The following PPP6R2 variants were observed in gnomAD, a reference collection of about 807,000 sequenced individuals.
PPP6R2 encodes serine/threonine-protein phosphatase 6 regulatory subunit 2.
A neutral mutation model predicts 100.2 loss-of-function variants in PPP6R2; 62 were observed. That is an observed-to-expected ratio of 0.62 (90% confidence interval 0.50 to 0.76). The LOEUF (loss-of-function observed/expected upper bound fraction) is 0.76. Ranked by LOEUF, PPP6R2 falls within the 30% of genes least tolerant of loss-of-function variation. The pLI is 0.00. For missense variants in PPP6R2, 1,142 were observed against 1,276.3 expected (o/e 0.89, Z 1.60); for synonymous variants, 525 against 514.7 (o/e 1.02, Z -0.27).
At chr22:50,356,763 C>T (rs990310470) in intron 1 of PPP6R2, among the ~76,000 whole-genome samples, 5 of 151,596 alleles carry the variant, frequency 3.3e-5, no homozygotes, top group Non-Finnish European at 7.4e-5. Context: ...GGTGAAACCC[C>T]GTCTCTACAA....
At chr22:50,338,314 GGT>G (rs1298856840), upstream of PPP6R2, among the ~76,000 whole-genome samples, 1 of 130,302 alleles carries the variant, frequency 7.7e-6, no homozygotes, top group African/African-American at 3.2e-5. Context: ...GTGTGTGTGT[GGT>G]GTGTGGTGTG....
intron 3 of PPP6R2, among the ~76,000 whole-genome samples, chr22:50,398,810 C>A (rs918605129): frequency 1.3e-5 from 2 of 152,180 alleles, no homozygotes; most frequent in Non-Finnish European, 2.9e-5. Flanking sequence ...ACAGAAGACA[C>A]TTTTTTTGAG....
upstream of PPP6R2, among the ~76,000 whole-genome samples, chr22:50,342,918 T>C (rs142322359): frequency 0.016 from 2,379 of 152,158 alleles, 30 homozygotes; most frequent in South Asian, 0.037. Flanking sequence ...CCGCGGCCTC[T>C]GGGAGGGGCC....
upstream of PPP6R2, among the ~76,000 whole-genome samples, chr22:50,339,869 G>GGTA (rs2042351578): frequency 1.5e-5 from 2 of 134,280 alleles, no homozygotes; most frequent in Non-Finnish European, 1.6e-5. Flanking sequence ...TGTAGTGTGT[G>GGTA]TGTGGTGTGG....
upstream of PPP6R2, among the ~76,000 whole-genome samples, chr22:50,338,925 A>G (rs1420227588): frequency 2.6e-4 from 19 of 71,864 alleles, no homozygotes; most frequent in Admixed American, 1.5e-3. Context: ...TGTGTGTGGT[A>G]TGTGGTGTGT....
chr22:50,340,388 ATGTGGTGTG>A (rs1265555290), upstream of PPP6R2, among the ~76,000 whole-genome samples: 7 of 39,364 alleles, frequency 1.8e-4, no homozygotes, highest in Non-Finnish European at 2.3e-4. Context: ...TGTGTATGGT[ATGTGGTGTG>A]TGTGGTGTGT....
At chr22:50,437,100 G>T (rs781644235) in intron 15 of PPP6R2, 32 bp downstream of exon 15, 3 of 1,539,044 alleles carry the variant, frequency 1.9e-6, no homozygotes, top group East Asian at 2.4e-5. Context: ...GCACCCTGCC[G>T]GGCCCTTCCC....
At chr22:50,394,879 A>G (rs946969986) in intron 3 of PPP6R2, among the ~76,000 whole-genome samples, 2 of 141,656 alleles carry the variant, frequency 1.4e-5, no homozygotes, top group Non-Finnish European at 3.0e-5. Flanking sequence ...ACACCACTGC[A>G]CTGCATCCTG....
the PPP6R2 span, among the ~76,000 whole-genome samples, chr22:50,337,328 GGTGT>G: frequency 2.1e-5 from 3 of 142,494 alleles, no homozygotes; most frequent in Non-Finnish European, 3.1e-5. Flanking sequence ...ATGTGTGTGT[GGTGT>G]GTGTGTCTGC....
At chr22:50,439,908 G>C (rs377724888) in intron 20 of PPP6R2, 51 bp downstream of exon 20, 3 of 1,607,524 alleles carry the variant, frequency 1.9e-6, no homozygotes, top group African/African-American at 2.7e-5. Context: ...GCCTGTCAGG[G>C]CCAGGAGGCA....
the PPP6R2 span, among the ~76,000 whole-genome samples, chr22:50,338,285 TTG>T: frequency 9.2e-6 from 1 of 108,706 alleles, no homozygotes; most frequent in Non-Finnish European, 1.9e-5. Context: ...TGTGGTGTGT[TTG>T]TGGTGTGTAG....
chr22:50,375,858 T>TTTTTTTTTTTG (rs2051416470), intron 2 of PPP6R2, among the ~76,000 whole-genome samples: 1 of 144,174 alleles, frequency 6.9e-6, no homozygotes, highest in Admixed American at 7.0e-5. Flanking sequence ...TTTTTTTTTT[T>TTTTTTTTTTTG]GAGATGGAGT....
At chr22:50,359,245 G>A in intron 1 of PPP6R2, among the ~76,000 whole-genome samples, 1 of 139,480 alleles carries the variant, frequency 7.2e-6, no homozygotes, top group African/African-American at 2.8e-5. Context: ...TTGAAACTGA[G>A]TCTTGCTCTG....
intron 2 of PPP6R2, among the ~76,000 whole-genome samples, chr22:50,376,278 C>T (rs1210539903): frequency 1.3e-5 from 2 of 151,980 alleles, no homozygotes; most frequent in Non-Finnish European, 2.9e-5. Context: ...TATGATTGCA[C>T]CGCTGCACTC....
At chr22:50,331,883 G>C in the PPP6R2 span, among the ~76,000 whole-genome samples, 1 of 152,116 alleles carries the variant, frequency 6.6e-6, no homozygotes, top group African/African-American at 2.4e-5. Flanking sequence ...GCCTCTCAAA[G>C]TGCTGGGATT....
chr22:50,355,836 A>C (rs899156490), intron 1 of PPP6R2, among the ~76,000 whole-genome samples: 3 of 151,448 alleles, frequency 2.0e-5, no homozygotes, highest in Non-Finnish European at 4.4e-5. Flanking sequence ...TTATTCTTTA[A>C]AATGGAAAAA....
chr22:50,440,825 G>A lies in PPP6R2; in HGVS notation c.2378G>A (p.Ser793Asn). 1 of 1,613,232 alleles carries A rather than the reference G, an allele frequency of 6.2e-7. No homozygotes were observed. Among genetic ancestry groups the A allele is most frequent in the Non-Finnish European group, 8.5e-7 (1 of 1,180,000 alleles). Residue 793 changes from serine (S) to asparagine (N), a missense_variant, in exon 22 of 24, where the codon AGC (serine) becomes AAC (asparagine). Ser to Asn is a conservative substitution (Grantham distance 46). Around this residue, in one of 2 missense-constraint regions of PPP6R2, gnomAD observed 550 missense variants for 517.4 expected, o/e 1.06. Transcript: ENST00000612753. ...GCACAGGCCTCCTACTTTGCAGTCA[G>A]CCCGGCTTCTCCATGTGCCTGGAAC... ...SRSQGPEKAFSPASPCAWNVC... is the reference protein window; with the variant it reads ...SRSQGPEKAFNPASPCAWNVC...
chr22:50,399,609 C>T (rs971940839), intron 3 of PPP6R2, among the ~76,000 whole-genome samples: 2 of 152,260 alleles, frequency 1.3e-5, no homozygotes, highest in South Asian at 2.1e-4. Context: ...GCTGTCTGTG[C>T]TCAAGAGAAG....
chr22:50,416,273 A>G (rs972165459), intron 6 of PPP6R2, 116 bp downstream of exon 6: 4 of 864,672 alleles, frequency 4.6e-6, no homozygotes, highest in African/African-American at 1.7e-5. Context: ...TAAGATGAGG[A>G]TCGGTTAGGT....
Sources: allele counts gnomAD v4.1 joint callset (sites outside exome capture counted in the v4.1 genomes callset), GRCh38; gene constraint gnomAD v4.1.1; regional missense constraint gnomAD v4.1.1; transcripts MANE v1.5; gene names NCBI Gene and HGNC (gene_info 2026-07-23, HGNC 2026-07-21).